GRIK2: variants seen among roughly 807,000 people sequenced by gnomAD.
GRIK2 encodes glutamate ionotropic receptor kainate type subunit 2, also known as glutamate receptor ionotropic, kainate 2.
A neutral mutation model predicts 100.3 loss-of-function variants in GRIK2; 32 were observed. The observed-to-expected ratio is 0.32, with a 90% CI of 0.24 to 0.43. GRIK2 has a LOEUF of 0.43. Among genes scored for constraint, GRIK2 ranks in the 20% least tolerant of loss-of-function variants. GRIK2 has a pLI of 1.00. For missense variants in GRIK2, 843 were observed against 1,114.9 expected (o/e 0.76, Z 3.47); for synonymous variants, 417 against 389.4 (o/e 1.07, Z -0.83).
At chr6:102,067,219 G>A (rs1582816469) in intron 16 of GRIK2, among the ~76,000 whole-genome samples, 1 of 151,548 alleles carries the variant, frequency 6.6e-6, no homozygotes, top group Admixed American at 6.6e-5. Context: ...TGTCTAATTA[G>A]CAAATGCATT....
intron 7 of GRIK2, among the ~76,000 whole-genome samples, chr6:101,702,339 G>T (rs1772958801): frequency 6.6e-6 from 1 of 152,002 alleles, no homozygotes; most frequent in South Asian, 2.1e-4. Context: ...AAAGGTCTTG[G>T]CTCTACATTA....
intron 15 of GRIK2, among the ~76,000 whole-genome samples, chr6:102,048,247 G>A (rs966171963): frequency 1.3e-5 from 2 of 151,878 alleles, no homozygotes; most frequent in Non-Finnish European, 2.9e-5. Flanking sequence ...GTCAGAAATT[G>A]TAGAAGTACT....
intron 2 of GRIK2, among the ~76,000 whole-genome samples, chr6:101,433,284 A>G (rs1769519108): frequency 6.6e-6 from 1 of 152,198 alleles, no homozygotes. Flanking sequence ...TTTTCAATTT[A>G]CCTTCTGGCA....
chr6:101,403,516 C>G (rs1287621769), intron 2 of GRIK2, among the ~76,000 whole-genome samples: 2 of 152,156 alleles, frequency 1.3e-5, no homozygotes, highest in Non-Finnish European at 2.9e-5. Flanking sequence ...TTTAAGGGAC[C>G]ACCTATACGT....
At chr6:101,955,317 G>A (rs1386060498) in intron 14 of GRIK2, among the ~76,000 whole-genome samples, 1 of 152,048 alleles carries the variant, frequency 6.6e-6, no homozygotes, top group Non-Finnish European at 1.5e-5. Flanking sequence ...CACCAGTAAA[G>A]CCGTTTGGTC....
intron 12 of GRIK2, among the ~76,000 whole-genome samples, chr6:101,897,678 A>G (rs907456057): frequency 2.0e-5 from 3 of 151,910 alleles, no homozygotes; most frequent in Admixed American, 6.6e-5. Context: ...ATACCTTTAA[A>G]AAGTGAAGTC....
intron 2 of GRIK2, among the ~76,000 whole-genome samples, chr6:101,601,239 T>C (rs1212029705): frequency 2.0e-5 from 3 of 151,916 alleles, no homozygotes; most frequent in Non-Finnish European, 4.4e-5. Flanking sequence ...ATCATATTTA[T>C]TGACTTGCAT....
intron 12 of GRIK2, among the ~76,000 whole-genome samples, chr6:101,918,621 C>T (rs916957293): frequency 2.6e-5 from 4 of 151,572 alleles, no homozygotes; most frequent in Admixed American, 1.3e-4. Flanking sequence ...TGAGTTTTCC[C>T]GCCTCCTCTT....
intron 16 of GRIK2, among the ~76,000 whole-genome samples, chr6:102,062,888 A>AT (rs1029907640): frequency 6.0e-5 from 9 of 150,444 alleles, no homozygotes; most frequent in Non-Finnish European, 1.3e-4. Context: ...TCCTATGAAT[A>AT]TTTTTTCCAT....
intron 2 of GRIK2, among the ~76,000 whole-genome samples, chr6:101,403,901 C>T (rs945084765): frequency 6.6e-6 from 1 of 152,126 alleles, no homozygotes; most frequent in African/African-American, 2.4e-5. Flanking sequence ...ACAACGATCA[C>T]ACTTTAAAAA....
At chr6:101,938,417 T>TA (rs1790742053) in intron 14 of GRIK2, among the ~76,000 whole-genome samples, 1 of 152,140 alleles carries the variant, frequency 6.6e-6, no homozygotes, top group South Asian at 2.1e-4. Context: ...TGCTTGTTCA[T>TA]AAGTGTTGAT....
chr6:101,578,398 A>C (rs1286125578), intron 2 of GRIK2, among the ~76,000 whole-genome samples: 2 of 152,154 alleles, frequency 1.3e-5, no homozygotes, highest in African/African-American at 2.4e-5. Context: ...TTGAACTGAC[A>C]TTTCATTTTG....
At chr6:101,608,781 A>AGG (rs1463959394) in intron 2 of GRIK2, among the ~76,000 whole-genome samples, 15 of 143,220 alleles carry the variant, frequency 1.0e-4, no homozygotes, top group African/African-American at 3.6e-4. Context: ...TCTCTCATAG[A>AGG]GGGGTGTGTG....
intron 7 of GRIK2, among the ~76,000 whole-genome samples, chr6:101,690,467 C>A (rs1772012765): frequency 6.6e-6 from 1 of 152,078 alleles, no homozygotes; most frequent in Admixed American, 6.6e-5. Context: ...TCTTTTCAAC[C>A]CAGAACTTTA....
intron 2 of GRIK2, among the ~76,000 whole-genome samples, chr6:101,521,302 G>A (rs1231854389): frequency 1.3e-5 from 2 of 151,772 alleles, no homozygotes; most frequent in African/African-American, 4.8e-5. Context: ...TTAATAGCAG[G>A]TCTATTTATT....
At chr6:101,896,910 AC>A (rs1268778240) in intron 12 of GRIK2, among the ~76,000 whole-genome samples, 1 of 151,668 alleles carries the variant, frequency 6.6e-6, no homozygotes, top group Non-Finnish European at 1.5e-5. Flanking sequence ...AACTTGAAGT[AC>A]AACGCTTATT....
intron 2 of GRIK2, among the ~76,000 whole-genome samples, chr6:101,457,307 T>A (rs1287027950): frequency 1.3e-5 from 2 of 152,118 alleles, no homozygotes; most frequent in South Asian, 2.1e-4. Context: ...TTGATAAATT[T>A]GCACCTCTCT....
At chr6:101,840,001 G>T (rs1289659065) in intron 10 of GRIK2, among the ~76,000 whole-genome samples, 2 of 152,040 alleles carry the variant, frequency 1.3e-5, no homozygotes, top group African/African-American at 4.8e-5. Context: ...TTAAGATGAT[G>T]GTTGGTCTCA....
chr6:101,531,401 A>G (rs1019836980), intron 2 of GRIK2, among the ~76,000 whole-genome samples: 1 of 152,010 alleles, frequency 6.6e-6, no homozygotes, highest in Non-Finnish European at 1.5e-5. Flanking sequence ...AGGCGCTCAA[A>G]ATTGTTTAAA....
Sources: allele counts gnomAD v4.1 joint callset (sites outside exome capture counted in the v4.1 genomes callset), GRCh38; gene constraint gnomAD v4.1.1; transcripts MANE v1.5; gene names NCBI Gene and HGNC (gene_info 2026-07-23, HGNC 2026-07-21).